Variants in ANO10 observed in about 807,000 individuals in gnomAD.
ANO10 encodes the protein anoctamin 10, also known as anoctamin-10.
A neutral mutation model predicts 74.7 loss-of-function variants in ANO10; 77 were observed. The ratio of observed to expected loss-of-function variants is 1.03; its 90% CI spans 0.86 to 1.25. ANO10 has a LOEUF of 1.25. Ranked by LOEUF, ANO10 falls within the 50% of genes most tolerant of loss-of-function variation. The pLI, the probability that ANO10 is intolerant of heterozygous loss-of-function variation, is 0.00. For missense variants in ANO10, 721 were observed against 778.1 expected, an observed-to-expected ratio of 0.93 and a Z score of 0.87; for synonymous variants, 279 against 284.9, an observed-to-expected ratio of 0.98 and a Z score of 0.21.
intron 1 of ANO10, among the ~76,000 whole-genome samples, chr3:43,656,265 G>A (rs1383516075): frequency 1.3e-5 from 2 of 152,032 alleles, no homozygotes; most frequent in Non-Finnish European, 2.9e-5. Flanking sequence ...TACAAACCTT[G>A]AGCTAGATAC....
chr3:43,634,711 G>T (rs2083587918), intron 1 of ANO10, among the ~76,000 whole-genome samples: 1 of 152,164 alleles, frequency 6.6e-6, no homozygotes, highest in South Asian at 2.1e-4. Flanking sequence ...TTAAGGATAG[G>T]TATATCATGA....
chr3:43,439,034 A>C (rs1293158560), intron 11 of ANO10, among the ~76,000 whole-genome samples: 1 of 152,302 alleles, frequency 6.6e-6, no homozygotes, highest in African/African-American at 2.4e-5. Context: ...TCCAAATTCA[A>C]GAAGCTGAAA....
At chr3:43,617,594 A>G (rs2083182135) in intron 1 of ANO10, among the ~76,000 whole-genome samples, 1 of 151,764 alleles carries the variant, frequency 6.6e-6, no homozygotes, top group African/African-American at 2.4e-5. Flanking sequence ...GTCAAGATGT[A>G]GAGAAACACA....
chr3:43,566,153 G>A (rs2080323340), intron 7 of ANO10, among the ~76,000 whole-genome samples: 1 of 152,212 alleles, frequency 6.6e-6, no homozygotes. Flanking sequence ...CGCACCACGA[G>A]ATTATATCCT....
chr3:43,401,317 A>G (rs2092477037), intron 12 of ANO10, among the ~76,000 whole-genome samples: 1 of 152,250 alleles, frequency 6.6e-6, no homozygotes, highest in South Asian at 2.1e-4. Context: ...CATTTTAAAA[A>G]ACAAAATAAA....
At chr3:43,368,275 AGTTTACCT>A (rs980991958) in intron 12 of ANO10, among the ~76,000 whole-genome samples, 14 of 152,160 alleles carry the variant, frequency 9.2e-5, no homozygotes, top group African/African-American at 3.4e-4. Context: ...CAAGGTGACC[AGTTTACCT>A]GCGGTGGGGG....
At chr3:43,642,886 C>CATGT (rs1185541117) in intron 1 of ANO10, among the ~76,000 whole-genome samples, 1 of 151,620 alleles carries the variant, frequency 6.6e-6, no homozygotes, top group Non-Finnish European at 1.5e-5. Context: ...GTCGCCAATT[C>CATGT]ATGTATGTAC....
chr3:43,466,288 T>C lies in ANO10; in HGVS notation c.1798-33561A>G, dbSNP rs1195174062. 2.0e-5 allele frequency among the ~76,000 whole-genome samples: 3 copies of C among 149,862 alleles called. No individual in the cohort carries two copies. The East Asian group carries it at 5.9e-4, about 29-fold the overall frequency. On this transcript the variant is annotated intron_variant, in intron 11 of 12. Coordinates refer to ENST00000292246, the MANE Select transcript of ANO10 (RefSeq NM_018075.5). ...CGGGAGGCTGAGGCAGGGGAATCGCTTGAACCCGGGAGGCAGAGGTGGCAG... is the reference window on the plus strand; with the variant it reads ...CGGGAGGCTGAGGCAGGGGAATCGCCTGAACCCGGGAGGCAGAGGTGGCAG...
At chr3:43,622,524 G>A (rs542875188), upstream of ANO10, among the ~76,000 whole-genome samples, 3 of 152,328 alleles carry the variant, frequency 2.0e-5, no homozygotes, top group Non-Finnish European at 2.9e-5. Flanking sequence ...CATTTTAACT[G>A]TAGCTCACTT....
At chr3:43,648,211 A>G (rs1248098612) in intron 1 of ANO10, among the ~76,000 whole-genome samples, 1 of 152,244 alleles carries the variant, frequency 6.6e-6, no homozygotes, top group Non-Finnish European at 1.5e-5. Context: ...TCTAACCTTG[A>G]GGCAGGTCAG....
intron 1 of ANO10, among the ~76,000 whole-genome samples, chr3:43,634,241 G>C (rs971110667): frequency 3.9e-5 from 6 of 152,120 alleles, no homozygotes; most frequent in African/African-American, 1.2e-4. Context: ...CTGAACTTCA[G>C]AGTTACACAA....
intron 7 of ANO10, among the ~76,000 whole-genome samples, chr3:43,567,366 C>T (rs566409158): frequency 6.6e-6 from 1 of 151,964 alleles, no homozygotes; most frequent in Admixed American, 6.6e-5. Context: ...AGAGCAACTC[C>T]AAGACACATA....
At chr3:43,439,084 C>T (rs2093120348) in intron 11 of ANO10, among the ~76,000 whole-genome samples, 1 of 151,942 alleles carries the variant, frequency 6.6e-6, no homozygotes. Context: ...CACCAAGACA[C>T]ATTATAATCA....
At chr3:43,407,575 G>A (rs1033178272) in intron 12 of ANO10, among the ~76,000 whole-genome samples, 1 of 152,272 alleles carries the variant, frequency 6.6e-6, no homozygotes, top group South Asian at 2.1e-4. Flanking sequence ...GGATCACCAG[G>A]TCAAGGAGAA....
In ANO10 at chr3:43,366,682, G is replaced by C; in HGVS notation, c.*224C>G. 1.7e-6 allele frequency: 1 copy of C among 604,984 alleles called. No individual in the cohort carries two copies. The allele number at this position is 604,984 out of a possible 1,614,324, so 37.5% of individuals were successfully genotyped here. A position where few individuals can be genotyped will look rare whatever the true frequency, so the allele number is the denominator to read the frequency against. On this transcript the variant is annotated 3_prime_UTR_variant, in exon 13 of 13. Coordinates refer to ENST00000292246, the MANE Select transcript of ANO10 (RefSeq NM_018075.5). Reference sequence around the variant, plus strand: ...GCGTGTGGGGCCCGGGAAGGAACTGGGAAGGAGCAGACAGGGTGGGGCTGG... The same window carrying C: ...GCGTGTGGGGCCCGGGAAGGAACTGCGAAGGAGCAGACAGGGTGGGGCTGG...
chr3:43,683,400 C>CT (rs1423710652), intron 1 of ANO10, among the ~76,000 whole-genome samples: 1 of 152,114 alleles, frequency 6.6e-6, no homozygotes, highest in Admixed American at 6.6e-5. Context: ...TCAAGGAGGA[C>CT]TACAAACCAC....
At chr3:43,435,936 C>G (rs1165227205) in intron 11 of ANO10, among the ~76,000 whole-genome samples, 1 of 152,174 alleles carries the variant, frequency 6.6e-6, no homozygotes, top group Admixed American at 6.5e-5. Context: ...AGCAGGGGAC[C>G]TGCTTCAAGG....
At chr3:43,534,369 T>C (rs2078604891) in intron 11 of ANO10, among the ~76,000 whole-genome samples, 1 of 152,228 alleles carries the variant, frequency 6.6e-6, no homozygotes, top group African/African-American at 2.4e-5. Context: ...TGCTTGAGAA[T>C]GGTTCTTTCT....
chr3:43,616,004 C>T (rs1170062212), intron 1 of ANO10, among the ~76,000 whole-genome samples: 1 of 152,088 alleles, frequency 6.6e-6, no homozygotes, highest in Non-Finnish European at 1.5e-5. Context: ...CTTTTCTTCA[C>T]CAGATTAAAA....
Sources: gnomAD v4.1 joint callset for allele counts (sites outside exome capture counted in the v4.1 genomes callset) on GRCh38, gnomAD v4.1.1 for gene constraint, MANE v1.5 for transcripts, NCBI Gene and HGNC (gene_info 2026-07-23, HGNC 2026-07-21) for gene names.